The following KIF26B variants were observed in gnomAD, a reference collection of about 807,000 sequenced individuals.
The protein encoded by KIF26B is kinesin family member 26B, also known as kinesin-like protein KIF26B.
A neutral mutation model predicts 151.2 loss-of-function variants in KIF26B; 63 were observed. The ratio of observed to expected loss-of-function variants is 0.42; its 90% confidence interval spans 0.34 to 0.51. The LOEUF (loss-of-function observed/expected upper bound fraction) is 0.51, where lower values mean the gene tolerates loss of function less well. Among genes scored for constraint, KIF26B ranks in the 20% least tolerant of loss-of-function variants. The probability of loss-of-function intolerance (pLI) is 0.07; values close to 1 mark genes in which losing one functional copy is unlikely to be tolerated. For synonymous variants in KIF26B, 1,357 were observed against 1,262.1 expected, an observed-to-expected ratio of 1.08 and a Z score of -1.59; for missense variants, 2,813 against 2,913.6, an observed-to-expected ratio of 0.97 and a Z score of 0.79.
intron 2 of KIF26B, among the ~76,000 whole-genome samples, chr1:245,294,853 G>A (rs1186220023): frequency 6.6e-6 from 1 of 152,068 alleles, no homozygotes; most frequent in African/African-American, 2.4e-5. Flanking sequence ...AGTAGAGATG[G>A]GGTTTCACGA....
Position 245,686,972 on chromosome 1 carries a change from G to A in KIF26B, c.3989G>A (p.Arg1330Lys), listed in dbSNP as rs1351646102. Residue 1330 changes from arginine (R) to lysine (K), a missense_variant, in exon 12 of 15, where the codon AGA (arginine) becomes AAA (lysine). Transcript: ENST00000407071. This position sits in a 1 kb window ranked among gnomAD's most constrained non-coding sequence, Gnocchi z 5.6. ...SSLQNTAVVC[R>K]EKPKASPDNL... ...CTCCAGAACACCGCTGTGGTGTGCAGAGAGAAGCCCAAGGCCAGCCCCGAC... is the reference window on the plus strand; with the variant it reads ...CTCCAGAACACCGCTGTGGTGTGCAAAGAGAAGCCCAAGGCCAGCCCCGAC... 1.2e-6 allele frequency: 2 copies of A among 1,613,614 alleles called. No individual in the cohort carries two copies. The highest frequency in any genetic ancestry group is 3.3e-5 in the Admixed American group (2 of 59,994).
chr1:245,425,302 G>T (rs1018972828), intron 4 of KIF26B, among the ~76,000 whole-genome samples: 1 of 152,136 alleles, frequency 6.6e-6, no homozygotes, highest in Non-Finnish European at 1.5e-5. Context: ...AGTGGATTCT[G>T]GATTATGCAT....
chr1:245,600,238 C>T (rs1185907545), intron 5 of KIF26B, among the ~76,000 whole-genome samples: 1 of 123,918 alleles, frequency 8.1e-6, no homozygotes, highest in Non-Finnish European at 1.8e-5. Context: ...CGGGGTTTCA[C>T]CGTGTTAGCC....
intron 10 of KIF26B, among the ~76,000 whole-genome samples, chr1:245,682,483 T>C (rs1321862017): frequency 1.7e-5 from 2 of 118,216 alleles, no homozygotes; most frequent in African/African-American, 7.1e-5. Flanking sequence ...GATCACAACC[T>C]AACTGAGCAG....
rs1274965722 is a variant in KIF26B, at chr1:245,156,393, G to T, written c.175G>T (p.Ala59Ser). ...CGGCAGCCGGCCCACTCCTGAGGGC[G>T]CGGGCTCAGCGCTCGGCTCCTCGGG... ...RAGSRPTPEG[A>S]GSALGSSGTP... The change falls in exon 2 of 15, where the codon GCG becomes TCG. Residue 59 changes from alanine (A) to serine (S), a missense_variant. Physicochemically the swap from Ala to Ser is moderately conservative, Grantham distance 99. Transcript: ENST00000407071. 1.9e-6 allele frequency: 3 copies of T among 1,539,926 alleles called. No homozygotes were observed. In the Admixed American group the frequency reaches 6.0e-5, roughly 31 times the overall value.
intron 12 of KIF26B, among the ~76,000 whole-genome samples, chr1:245,691,361 T>A (rs994229358): frequency 3.3e-5 from 5 of 152,148 alleles, no homozygotes; most frequent in Non-Finnish European, 5.9e-5. Context: ...AGGAAAACAG[T>A]GTAAAATTAA....
chr1:245,497,080 G>C (rs1364517509), intron 4 of KIF26B, among the ~76,000 whole-genome samples: 3 of 151,678 alleles, frequency 2.0e-5, no homozygotes, highest in East Asian at 3.9e-4. Flanking sequence ...TTGAACCCTG[G>C]GGGTGGAGGT....
At chr1:245,246,192 G>C (rs1287592756) in intron 2 of KIF26B, among the ~76,000 whole-genome samples, 1 of 152,070 alleles carries the variant, frequency 6.6e-6, no homozygotes, top group Non-Finnish European at 1.5e-5. Flanking sequence ...CCGAATAAAG[G>C]ACTTAAAAAT....
chr1:245,404,629 G>A lies in KIF26B; in HGVS notation c.1000-14950G>A, dbSNP rs372500456. Among the ~76,000 whole-genome samples, 14 of 152,298 alleles carry A rather than the reference G, an allele frequency of 9.2e-5. No individual in the cohort carries two copies. The East Asian group carries it at 2.5e-3, about 27-fold the overall frequency. ...AAACCAGCGTCTTAAATGAACAGAG[G>A]AGAAATTTGAGCAGAACCACCAACT... On this transcript the variant is annotated intron_variant, in intron 3 of 14. Transcript: ENST00000407071.
chr1:245,312,723 C>T (rs957705426), intron 2 of KIF26B, among the ~76,000 whole-genome samples: 2 of 152,164 alleles, frequency 1.3e-5, no homozygotes, highest in African/African-American at 4.8e-5. Context: ...TGGTGGGTTG[C>T]AGAGTCAGTT....
chr1:245,510,427 A>C (rs1354617124), intron 4 of KIF26B, among the ~76,000 whole-genome samples: 1 of 152,200 alleles, frequency 6.6e-6, no homozygotes, highest in Non-Finnish European at 1.5e-5. Flanking sequence ...ATACGTGGCT[A>C]AATGTGTACA....
intron 4 of KIF26B, among the ~76,000 whole-genome samples, chr1:245,433,761 A>G (rs772179071): frequency 1.3e-5 from 2 of 152,118 alleles, no homozygotes; most frequent in Non-Finnish European, 2.9e-5. Context: ...GTGCTTGTTC[A>G]TGAAGTGCAC....
intron 5 of KIF26B, among the ~76,000 whole-genome samples, chr1:245,580,726 G>C (rs369970428): frequency 6.6e-6 from 1 of 152,146 alleles, no homozygotes; most frequent in Non-Finnish European, 1.5e-5. Flanking sequence ...ACAGTCTTTC[G>C]CTTCCTGGAG....
intron 4 of KIF26B, among the ~76,000 whole-genome samples, chr1:245,441,881 C>G (rs955346944): frequency 3.3e-5 from 5 of 152,198 alleles, no homozygotes; most frequent in African/African-American, 1.2e-4. Flanking sequence ...ATGATAGCAT[C>G]TGCTTCCTGT....
intron 4 of KIF26B, among the ~76,000 whole-genome samples, chr1:245,466,291 C>A (rs1461462549): frequency 6.6e-6 from 1 of 152,202 alleles, no homozygotes; most frequent in Non-Finnish European, 1.5e-5. Context: ...GGCCTGCACG[C>A]CGGCTCCCAG....
At chr1:245,306,962 A>G (rs932129481) in intron 2 of KIF26B, among the ~76,000 whole-genome samples, 3 of 152,180 alleles carry the variant, frequency 2.0e-5, no homozygotes, top group East Asian at 3.8e-4. Flanking sequence ...AAATTATTAG[A>G]TGTGATCCCA....
At chr1:245,161,134 G>C (rs544608212) in intron 2 of KIF26B, among the ~76,000 whole-genome samples, 1 of 152,292 alleles carries the variant, frequency 6.6e-6, no homozygotes, top group East Asian at 1.9e-4. Flanking sequence ...TTAGATAAAG[G>C]AGCAGTTAGT....
rs533993016 is a variant in KIF26B, at chr1:245,641,222, G to A, written c.2099-4899G>A. Among the ~76,000 whole-genome samples, 4 of 152,122 alleles carry A rather than the reference G, an allele frequency of 2.6e-5. No homozygotes were observed. In the East Asian group the frequency reaches 7.7e-4, roughly 29 times the overall value. On this transcript the variant is annotated intron_variant, in intron 9 of 14. Transcript: ENST00000407071. ...CAGGTGTATTTGATGTCCGTTGTAT[G>A]TTATTTGCTTTTTTCTTGCTCTCTC...
chr1:245,256,200 T>C (rs1670531003), intron 2 of KIF26B, among the ~76,000 whole-genome samples: 1 of 152,174 alleles, frequency 6.6e-6, no homozygotes, highest in South Asian at 2.1e-4. Flanking sequence ...AAGATCCTTC[T>C]CTTCAAATGG....
Sources: gnomAD v4.1 joint callset for allele counts (sites outside exome capture counted in the v4.1 genomes callset) on GRCh38, gnomAD v4.1.1 for gene constraint, Gnocchi (gnomAD v3.1) non-coding constraint, MANE v1.5 for transcripts, NCBI Gene and HGNC (gene_info 2026-07-23, HGNC 2026-07-21) for gene names.